SLC6A17: variants seen among roughly 807,000 people sequenced by gnomAD.
SLC6A17 encodes the protein solute carrier family 6 member 17, also known as sodium-dependent neutral amino acid transporter SLC6A17.
In SLC6A17, 21 loss-of-function variants were observed where a neutral mutation model predicts 64.5. That is an observed-to-expected ratio of 0.33 (90% CI 0.23 to 0.47). The LOEUF (loss-of-function observed/expected upper bound fraction) is 0.47, where lower values mean the gene tolerates loss of function less well. SLC6A17 is among the 20% of genes least tolerant of loss of function. The probability of loss-of-function intolerance (pLI) is 1.00; values close to 1 mark genes in which losing one functional copy is unlikely to be tolerated. For synonymous variants in SLC6A17, 372 were observed against 399.5 expected, an observed-to-expected ratio of 0.93 and a Z score of 0.82; for missense variants, 682 against 963.2, an observed-to-expected ratio of 0.71 and a Z score of 3.86.
In SLC6A17 at chr1:110,176,129, C is replaced by T. The variant is rs577984005; in HGVS notation, c.754-500C>T. On this transcript the variant is annotated intron_variant, in intron 5 of 11. Transcript: ENST00000331565. The stretch of plus-strand genomic sequence containing the variant: ...ACGCACGCAGGGATATAGACATGTG[C>T]GAGAAATGCTGTGGTAGAGAAGAGC... Among the ~76,000 whole-genome samples, 10 of 152,214 alleles carry T rather than the reference C, an allele frequency of 6.6e-5. No individual in the cohort carries two copies. The South Asian group carries it at 1.2e-3, about 19-fold the overall frequency.
intron 1 of SLC6A17, among the ~76,000 whole-genome samples, chr1:110,158,595 G>A (rs1016689448): frequency 1.3e-5 from 2 of 152,238 alleles, no homozygotes; most frequent in African/African-American, 2.4e-5. Context: ...ACAACCCTAC[G>A]AGGTGTAGCA....
chr1:110,175,029 A>C, intron 5 of SLC6A17, 69 bp downstream of exon 5: 1 of 1,539,238 alleles, frequency 6.5e-7, no homozygotes, highest in Non-Finnish European at 8.8e-7. Flanking sequence ...GCACAGGGCT[A>C]AGAATTCCAG....
chr1:110,192,560 C>T lies in SLC6A17; in HGVS notation c.1161C>T (p.Leu387=). The change falls in exon 8 of 12, where the codon CTC becomes CTT. Residue 387 remains leucine (L), a synonymous_variant. Transcript: ENST00000331565. This position sits in a 1 kb window ranked among gnomAD's most constrained non-coding sequence, Gnocchi z 4.3. ...ACACCAACGTCCTGAGCCGGGACCT[C>T]ATCCCACCCCACGTCAACTTCTCCC... ...YLNTNVLSRD[L]IPPHVNFSHL... is the part of the protein sequence containing the mutation. 6.2e-7 allele frequency: 1 copy of T among 1,614,190 alleles called. No individual in the cohort carries two copies. The highest frequency in any genetic ancestry group is 8.5e-7 in the Non-Finnish European group (1 of 1,180,016).
At chr1:110,188,374 G>A (rs1656741434) in intron 6 of SLC6A17, among the ~76,000 whole-genome samples, 1 of 152,218 alleles carries the variant, frequency 6.6e-6, no homozygotes, top group African/African-American at 2.4e-5. Flanking sequence ...GCCCTGCCCT[G>A]TTTCTCTGGT....
chr1:110,179,071 A>G (rs940783784), intron 6 of SLC6A17, among the ~76,000 whole-genome samples: 3 of 152,238 alleles, frequency 2.0e-5, no homozygotes, highest in African/African-American at 7.2e-5. Flanking sequence ...TTTGCTTAAC[A>G]TGATTTTCTA....
At chr1:110,167,284 C>T in intron 2 of SLC6A17, 69 bp downstream of exon 2, 1 of 1,531,154 alleles carries the variant, frequency 6.5e-7, no homozygotes. Flanking sequence ...TAAAAAAGAA[C>T]ACCCCTTTGC....
At chr1:110,156,965 G>T (rs1261826043) in intron 1 of SLC6A17, among the ~76,000 whole-genome samples, 1 of 152,228 alleles carries the variant, frequency 6.6e-6, no homozygotes, top group Non-Finnish European at 1.5e-5. Context: ...TTTGGCAGAT[G>T]CTGTGAGGAC....
chr1:110,185,009 G>A (rs976548829), intron 6 of SLC6A17, among the ~76,000 whole-genome samples: 1 of 152,174 alleles, frequency 6.6e-6, no homozygotes, highest in Non-Finnish European at 1.5e-5. Context: ...CAGGGGTGGA[G>A]GTTAGGGGTG....
chr1:110,176,844 A>G lies in SLC6A17; in HGVS notation c.864+105A>G, dbSNP rs1485017788. ...ATTTAATGCACTCCGAACACCTGCT[A>G]TGTGTTGGGTATCGTACCAGGCCCT... is the stretch of plus-strand genomic sequence containing the variant. On this transcript the variant is annotated intron_variant, in intron 6 of 11. Transcript: ENST00000331565. The G allele has an allele frequency of 4.1e-5, 41 of 995,456 alleles. No individual in the cohort carries two copies. The South Asian group carries it at 5.3e-4, about 13-fold the overall frequency. 61.7% of individuals were successfully genotyped at this position (995,456 alleles called of 1,614,324 possible).
At chr1:110,163,302 T>C (rs556642236) in intron 1 of SLC6A17, among the ~76,000 whole-genome samples, 3 of 152,100 alleles carry the variant, frequency 2.0e-5, no homozygotes, top group Non-Finnish European at 4.4e-5. Flanking sequence ...AGGATGCTTC[T>C]CTCCACCCAC....
At chr1:110,175,635 A>G (rs1398277728) in intron 5 of SLC6A17, among the ~76,000 whole-genome samples, 8 of 152,186 alleles carry the variant, frequency 5.3e-5, no homozygotes, top group Non-Finnish European at 1.5e-5. Context: ...AGGGGAAAGC[A>G]CCTCAGCTAA....
intron 6 of SLC6A17, among the ~76,000 whole-genome samples, chr1:110,186,037 G>A (rs747147122): frequency 2.6e-5 from 4 of 152,174 alleles, no homozygotes; most frequent in African/African-American, 4.8e-5. Context: ...TGGGTGATAC[G>A]TATGTGGGTG....
Position 110,172,154 on chromosome 1 carries a change from C to T in SLC6A17, c.381C>T (p.Gly127=). 6.2e-7 allele frequency: 1 copy of T among 1,613,122 alleles called. No homozygotes were observed. Among genetic ancestry groups the T allele is most frequent in the Non-Finnish European group, 8.5e-7 (1 of 1,179,608 alleles). Residue 127 remains glycine, a synonymous_variant, in exon 3 of 12, where the codon GGC becomes GGT. Coordinates refer to ENST00000331565, the MANE Select transcript of SLC6A17 (RefSeq NM_001010898.4). ...ELAVGQRIRR[G]SIGVWHYICP... ...CTGTGGGTCAGAGGATCCGCCGCGG[C>T]AGCATCGGTGTGTGGCACTATATAT...
intron 6 of SLC6A17, among the ~76,000 whole-genome samples, chr1:110,184,944 G>T (rs1206246304): frequency 1.3e-5 from 2 of 152,136 alleles, no homozygotes; most frequent in Admixed American, 1.3e-4. Context: ...GAGGGATCGG[G>T]GTGTGCATCA....
At chr1:110,163,770 A>G (rs1369798495) in intron 1 of SLC6A17, among the ~76,000 whole-genome samples, 4 of 151,998 alleles carry the variant, frequency 2.6e-5, no homozygotes, top group African/African-American at 9.7e-5. Flanking sequence ...GGCTCTGGCC[A>G]CCTTGCTCTT....
chr1:110,177,051 A>G (rs765394299), intron 6 of SLC6A17, among the ~76,000 whole-genome samples: 4 of 152,228 alleles, frequency 2.6e-5, no homozygotes, highest in African/African-American at 4.8e-5. Flanking sequence ...AGGGAACTGC[A>G]TGAGCAAGGG....
intron 3 of SLC6A17, chr1:110,172,509 A>G (rs924230595): frequency 2.9e-6 from 1 of 348,568 alleles, no homozygotes; most frequent in Non-Finnish European, 5.3e-6. Context: ...GCTCAGCCAG[A>G]GTTCTCTGGG....
At chr1:110,195,225 C>T (rs962600682) in intron 9 of SLC6A17, among the ~76,000 whole-genome samples, 1 of 152,232 alleles carries the variant, frequency 6.6e-6, no homozygotes, top group Non-Finnish European at 1.5e-5. Context: ...AGCGGGGTAT[C>T]TTTCTGTTCT....
rs183328295 is a variant in SLC6A17, at chr1:110,199,743, C to T, written c.*1299C>T. 193 of 387,822 alleles carry T rather than the reference C, an allele frequency of 5.0e-4. 1 individual carries two copies. In the East Asian group the frequency reaches 6.5e-3, roughly 13 times the overall value. 24.0% of individuals were successfully genotyped at this position (387,822 alleles called of 1,614,324 possible). ...AAGGCTGCAGCTGACAACAGCGACC[C>T]CACCTGCCATTACCTTCAGGGCCTC... On this transcript the variant is annotated 3_prime_UTR_variant, in exon 12 of 12. Coordinates refer to ENST00000331565, the MANE Select transcript of SLC6A17 (RefSeq NM_001010898.4).
Sources: gnomAD v4.1 joint callset for allele counts (sites outside exome capture counted in the v4.1 genomes callset) on GRCh38, gnomAD v4.1.1 for gene constraint, Gnocchi (gnomAD v3.1) non-coding constraint, MANE v1.5 for transcripts, NCBI Gene and HGNC (gene_info 2026-07-23, HGNC 2026-07-21) for gene names.